KLF8: variants seen among roughly 807,000 people sequenced by gnomAD.
The protein encoded by KLF8 is Krueppel-like factor 8.
KLF8 carries 10 observed loss-of-function variants against 18.2 expected under a neutral mutation model. The ratio of observed to expected loss-of-function variants is 0.55; its 90% CI spans 0.34 to 0.93. The LOEUF (loss-of-function observed/expected upper bound fraction) is 0.93. Ranked by LOEUF, KLF8 falls within the 40% of genes least tolerant of loss-of-function variation. The pLI, the probability that KLF8 is intolerant of heterozygous loss-of-function variation, is 0.02. For synonymous variants in KLF8, 109 were observed against 97.3 expected, an observed-to-expected ratio of 1.12 and a Z score of -0.71; for missense variants, 264 against 277.9, an observed-to-expected ratio of 0.95 and a Z score of 0.36.
At chrX:56,209,639 A>C in the KLF8 span, among the ~76,000 whole-genome samples, 1 of 111,378 alleles carries the variant, frequency 9.0e-6, no homozygotes, top group African/African-American at 3.3e-5. Flanking sequence ...AACATAAATA[A>C]GTAAATAAGG....
the KLF8 span, among the ~76,000 whole-genome samples, chrX:56,073,909 C>G: frequency 7.2e-5 from 8 of 111,546 alleles, no homozygotes; most frequent in East Asian, 2.0e-3. Flanking sequence ...CTATGCCCAG[C>G]TAATATTTTG....
At chrX:56,225,636 G>A in the KLF8 span, among the ~76,000 whole-genome samples, 1 of 112,124 alleles carries the variant, frequency 8.9e-6, no homozygotes, top group African/African-American at 3.2e-5. Context: ...ACAGTGCTTA[G>A]TCTGTGGCAA....
chrX:55,914,092 A>G, the KLF8 span, among the ~76,000 whole-genome samples: 1 of 111,988 alleles, frequency 8.9e-6, no homozygotes, highest in African/African-American at 3.2e-5. Context: ...CATGATACAT[A>G]TGTAATGGAC....
chrX:56,053,243 G>A, the KLF8 span, among the ~76,000 whole-genome samples: 1 of 112,116 alleles, frequency 8.9e-6, no homozygotes, highest in Non-Finnish European at 1.9e-5. Flanking sequence ...CGCTCACGCT[G>A]GGAGCTGTTC....
At chrX:55,964,602 C>T in the KLF8 span, among the ~76,000 whole-genome samples, 1 of 111,077 alleles carries the variant, frequency 9.0e-6, no homozygotes, top group Non-Finnish European at 1.9e-5. Flanking sequence ...CTATACAAAA[C>T]ATCAATGAAA....
chrX:56,087,326 G>T, the KLF8 span, among the ~76,000 whole-genome samples: 1 of 110,664 alleles, frequency 9.0e-6, no homozygotes, highest in Non-Finnish European at 1.9e-5. Context: ...ATTGGATCAT[G>T]GGGGTTTATT....
the KLF8 span, among the ~76,000 whole-genome samples, chrX:56,211,076 G>A: frequency 9.0e-6 from 1 of 111,211 alleles, no homozygotes; most frequent in Non-Finnish European, 1.9e-5. Context: ...TTCCTATCTG[G>A]TGTAGATGCT....
At chrX:56,252,171 C>T (rs942830596) in intron 2 of KLF8, among the ~76,000 whole-genome samples, 43 of 110,894 alleles carry the variant, frequency 3.9e-4, no homozygotes, top group African/African-American at 1.3e-3. Flanking sequence ...TGCCACCACG[C>T]CCAGCTAATT....
chrX:56,163,780 G>A, the KLF8 span, among the ~76,000 whole-genome samples: 1 of 112,035 alleles, frequency 8.9e-6, no homozygotes, highest in Non-Finnish European at 1.9e-5. Context: ...TTTGTATATG[G>A]TATAAATAAG....
At chrX:56,150,771 C>T in the KLF8 span, among the ~76,000 whole-genome samples, 1 of 111,521 alleles carries the variant, frequency 9.0e-6, no homozygotes, top group Non-Finnish European at 1.9e-5. Flanking sequence ...TTGCAGTCAT[C>T]TAAAGACTTG....
chrX:55,972,752 G>A, the KLF8 span, among the ~76,000 whole-genome samples: 2 of 111,642 alleles, frequency 1.8e-5, no homozygotes, highest in Admixed American at 9.5e-5. Flanking sequence ...CATACTCATG[G>A]ATAGGAAAAA....
the KLF8 span, among the ~76,000 whole-genome samples, chrX:56,211,428 A>G: frequency 8.9e-6 from 1 of 112,597 alleles, no homozygotes; most frequent in Non-Finnish European, 1.9e-5. Flanking sequence ...GAGTGGAGTG[A>G]CACAAGAACC....
At chrX:56,008,458 G>T in the KLF8 span, among the ~76,000 whole-genome samples, 1 of 111,996 alleles carries the variant, frequency 8.9e-6, no homozygotes, top group Non-Finnish European at 1.9e-5. Flanking sequence ...ACGAAGGGAG[G>T]CAGTGAGCAA....
At chrX:56,200,145 T>C in the KLF8 span, among the ~76,000 whole-genome samples, 1 of 110,698 alleles carries the variant, frequency 9.0e-6, no homozygotes, top group African/African-American at 3.3e-5. Flanking sequence ...GATGTGTTGA[T>C]GGGTGCAGCA....
At chrX:55,983,020 ATGT>A in the KLF8 span, among the ~76,000 whole-genome samples, 2 of 111,703 alleles carry the variant, frequency 1.8e-5, no homozygotes, top group Non-Finnish European at 3.8e-5. Context: ...GTGGAAATCT[ATGT>A]TGTTGTCATA....
the KLF8 span, among the ~76,000 whole-genome samples, chrX:56,117,689 G>A: frequency 8.9e-6 from 1 of 112,301 alleles, no homozygotes; most frequent in Non-Finnish European, 1.9e-5. Flanking sequence ...ATTGGATCAT[G>A]TTTTTGATTA....
the KLF8 span, among the ~76,000 whole-genome samples, chrX:56,184,690 G>A: frequency 4.5e-5 from 5 of 111,671 alleles, no homozygotes; most frequent in Admixed American, 9.5e-5. Flanking sequence ...CCAGAGGAAC[G>A]ATCAGACAGC....
the KLF8 span, among the ~76,000 whole-genome samples, chrX:56,173,070 G>GTT: frequency 4.5e-5 from 5 of 111,026 alleles, no homozygotes; most frequent in African/African-American, 1.6e-4. Flanking sequence ...TCTGATGGTA[G>GTT]TTTTTTTTGC....
At chrX:56,132,985 C>A in the KLF8 span, among the ~76,000 whole-genome samples, 1 of 110,904 alleles carries the variant, frequency 9.0e-6, no homozygotes, top group Non-Finnish European at 1.9e-5. Context: ...AGACCATGAA[C>A]AGAAAAATAA....
Sources: gnomAD v4.1 joint callset for allele counts (sites outside exome capture counted in the v4.1 genomes callset) on GRCh38, gnomAD v4.1.1 for gene constraint, MANE v1.5 for transcripts, NCBI Gene and HGNC (gene_info 2026-07-23, HGNC 2026-07-21) for gene names.